Variants in NRG3 observed in about 807,000 individuals in gnomAD.
NRG3 encodes neuregulin 3.
NRG3 carries 31 observed loss-of-function variants against 66.9 expected under a neutral mutation model. The ratio of observed to expected loss-of-function variants is 0.46; its 90% CI spans 0.35 to 0.63. The LOEUF is 0.63. Ranked by LOEUF, NRG3 falls within the 20% of genes least tolerant of loss-of-function variation. The pLI is 0.00. For synonymous variants in NRG3, 393 were observed against 359.4 expected (o/e 1.09, Z -1.06); for missense variants, 910 against 878.9 (o/e 1.04, Z -0.45).
chr10:82,376,801 C>T (rs1375975786), intron 2 of NRG3, among the ~76,000 whole-genome samples: 2 of 152,192 alleles, frequency 1.3e-5, no homozygotes, highest in Non-Finnish European at 1.5e-5. Context: ...TCCTTCTCAT[C>T]CTCACTCTTT....
chr10:82,981,423 A>T (rs564302877), intron 8 of NRG3, among the ~76,000 whole-genome samples: 1 of 152,282 alleles, frequency 6.6e-6, no homozygotes, highest in South Asian at 2.1e-4. Flanking sequence ...GTTCTTAAAA[A>T]CAGCCATTTT....
At chr10:82,733,508 G>A (rs1243824419) in intron 2 of NRG3, among the ~76,000 whole-genome samples, 4 of 152,156 alleles carry the variant, frequency 2.6e-5, no homozygotes, top group African/African-American at 9.7e-5. Context: ...TAATAAGGAA[G>A]ACAGGTGCTA....
chr10:82,457,293 C>T (rs888123670), intron 2 of NRG3, among the ~76,000 whole-genome samples: 15 of 152,168 alleles, frequency 9.9e-5, no homozygotes, highest in Middle Eastern at 3.4e-3. Flanking sequence ...AGGGGGAATA[C>T]GGTTTCAGGA....
At position 82,183,210 on chromosome 10, in the gene NRG3, C is replaced by CT. The variant is rs541300427; in HGVS notation, c.824-175521dup. ...TCTGTCCAGTAATTTTTTAAATAAA[C>CT]TTTTTTTTCTTTTCTCTCTATCTCT... is the stretch of plus-strand genomic sequence containing the variant. On this transcript the variant is annotated intron_variant, in intron 1 of 8. Transcript: ENST00000372141. Among the ~76,000 whole-genome samples the CT allele has an allele frequency of 1.4e-4, 21 of 151,916 alleles. No homozygotes were observed. In the South Asian group the frequency reaches 2.1e-3, roughly 15 times the overall value.
chr10:81,992,376 A>G lies in NRG3; in HGVS notation c.823+116213A>G, dbSNP rs529549615. Among the ~76,000 whole-genome samples, 20 of 152,252 alleles carry G rather than the reference A, an allele frequency of 1.3e-4. No homozygotes were observed. In the East Asian group the frequency reaches 2.3e-3, roughly 18 times the overall value. ...ATAACTGTCTGCTGTGCTTGAGACT[A>G]TATCTGCCCTTGCTCATTTCTCACT... On this transcript the variant is annotated intron_variant, in intron 1 of 8. Transcript: ENST00000372141.
chr10:82,774,936 C>A (rs2135213580), intron 3 of NRG3, among the ~76,000 whole-genome samples: 1 of 146,502 alleles, frequency 6.8e-6, no homozygotes, highest in South Asian at 2.1e-4. Context: ...GATTCTTGTG[C>A]ATGCCTCAGC....
At chr10:82,585,668 C>T (rs902366397) in intron 2 of NRG3, among the ~76,000 whole-genome samples, 4 of 152,130 alleles carry the variant, frequency 2.6e-5, no homozygotes, top group African/African-American at 9.7e-5. Flanking sequence ...ATTATTTCTT[C>T]TCTACAACCT....
intron 1 of NRG3, among the ~76,000 whole-genome samples, chr10:82,128,304 G>A (rs2068587351): frequency 6.6e-6 from 1 of 151,944 alleles, no homozygotes; most frequent in South Asian, 2.1e-4. Flanking sequence ...TCTAAGGACT[G>A]TCATAAATGG....
At chr10:81,934,150 T>C (rs1847645908) in intron 1 of NRG3, among the ~76,000 whole-genome samples, 1 of 152,178 alleles carries the variant, frequency 6.6e-6, no homozygotes, top group Admixed American at 6.5e-5. Flanking sequence ...ATAACCAGGT[T>C]CAATGACAGT....
At chr10:82,400,710 G>A (rs1418969998) in intron 2 of NRG3, among the ~76,000 whole-genome samples, 1 of 151,746 alleles carries the variant, frequency 6.6e-6, no homozygotes, top group Non-Finnish European at 1.5e-5. Context: ...TAGGACAATA[G>A]GCATGCACCA....
intron 2 of NRG3, among the ~76,000 whole-genome samples, chr10:82,598,164 CAAAATT>C (rs1194414997): frequency 6.6e-6 from 1 of 152,082 alleles, no homozygotes; most frequent in Non-Finnish European, 1.5e-5. Flanking sequence ...AAATTTTACT[CAAAATT>C]AAATATCTTA....
chr10:82,324,468 A>G (rs1159140661), intron 1 of NRG3, among the ~76,000 whole-genome samples: 2 of 151,852 alleles, frequency 1.3e-5, no homozygotes, highest in Non-Finnish European at 2.9e-5. Flanking sequence ...TTTGTGTTTC[A>G]TTTGATTTTC....
At chr10:82,258,480 C>T (rs550921369) in intron 1 of NRG3, among the ~76,000 whole-genome samples, 2 of 152,292 alleles carry the variant, frequency 1.3e-5, no homozygotes, top group Admixed American at 6.5e-5. Context: ...ATTAGGCAGG[C>T]ATCCTTGTTG....
chr10:81,926,667 A>C (rs899617915), intron 1 of NRG3, among the ~76,000 whole-genome samples: 5 of 152,180 alleles, frequency 3.3e-5, no homozygotes, highest in Non-Finnish European at 7.3e-5. Context: ...AGTCCTACTT[A>C]TTAACCCTGC....
intron 2 of NRG3, among the ~76,000 whole-genome samples, chr10:82,649,007 A>T (rs1463362772): frequency 6.6e-6 from 1 of 152,178 alleles, no homozygotes; most frequent in Non-Finnish European, 1.5e-5. Context: ...ACAAACCCAC[A>T]GCCAATATCA....
At chr10:82,366,965 T>A (rs1051917391) in intron 2 of NRG3, among the ~76,000 whole-genome samples, 1 of 152,200 alleles carries the variant, frequency 6.6e-6, no homozygotes. Flanking sequence ...ACGCAGGATA[T>A]GTTAGCAGCG....
At chr10:82,369,594 C>T (rs2084758206) in intron 2 of NRG3, among the ~76,000 whole-genome samples, 1 of 138,540 alleles carries the variant, frequency 7.2e-6, no homozygotes, top group African/African-American at 3.3e-5. Flanking sequence ...ACCACGGTGC[C>T]TGGCTTAGCT....
chr10:82,232,832 G>C, intron 1 of NRG3: 1 of 717,334 alleles, frequency 1.4e-6, no homozygotes, highest in Non-Finnish European at 2.6e-6. Context: ...AAGTTGTAAG[G>C]CATGGCCTTT....
intron 1 of NRG3, among the ~76,000 whole-genome samples, chr10:82,115,863 G>A (rs534627775): frequency 6.6e-6 from 1 of 152,172 alleles, no homozygotes; most frequent in African/African-American, 2.4e-5. Context: ...AGTGCTTAGG[G>A]GATGTTCTGC....
Sources: allele counts gnomAD v4.1 joint callset (sites outside exome capture counted in the v4.1 genomes callset), GRCh38; gene constraint gnomAD v4.1.1; transcripts MANE v1.5; gene names NCBI Gene and HGNC (gene_info 2026-07-23, HGNC 2026-07-21).